POU2AF3: variants seen among roughly 807,000 people sequenced by gnomAD.
POU2AF3 encodes the protein POU class 2 homeobox associating factor 3.
the POU2AF3 span, chr11:111,298,849 T>C: frequency 4.8e-5 from 20 of 419,236 alleles, no homozygotes; most frequent in African/African-American, 4.4e-4. Context: ...CTCCCACGTA[T>C]CCACTGTTGT....
At chr11:111,308,204 C>G in the POU2AF3 span, 1 of 1,551,654 alleles carries the variant, frequency 6.4e-7, no homozygotes, top group Admixed American at 2.0e-5. Context: ...CTGTGGCTAC[C>G]CCCCAGAAGA....
the POU2AF3 span, chr11:111,299,627 T>A: frequency 1.5e-5 from 18 of 1,227,058 alleles, no homozygotes; most frequent in South Asian, 7.7e-4. Context: ...TGCAGGGTCA[T>A]CGGGAGCCCC....
At chr11:111,307,945 G>GT in the POU2AF3 span, 1 of 890,088 alleles carries the variant, frequency 1.1e-6, no homozygotes, top group Non-Finnish European at 1.6e-6. Context: ...GTTGGGTGTT[G>GT]TTTCGTTTGA....
chr11:111,299,079 G>C, the POU2AF3 span: 1 of 985,326 alleles, frequency 1.0e-6, no homozygotes, highest in African/African-American at 1.7e-5. Flanking sequence ...GCGCGGAGAG[G>C]GCGCGGCGCC....
At chr11:111,300,317 T>G in the POU2AF3 span, 1 of 334,112 alleles carries the variant, frequency 3.0e-6, no homozygotes, top group Non-Finnish European at 5.4e-6. Context: ...CGGATTCTTT[T>G]CCTACTGGGG....
the POU2AF3 span, among the ~76,000 whole-genome samples, chr11:111,302,508 G>C: frequency 6.6e-6 from 1 of 152,202 alleles, no homozygotes; most frequent in Non-Finnish European, 1.5e-5. Context: ...GGCCCTTACA[G>C]ATGGGTGTGG....
the POU2AF3 span, chr11:111,306,595 C>G: frequency 6.4e-6 from 10 of 1,551,726 alleles, no homozygotes; most frequent in Non-Finnish European, 8.7e-6. Flanking sequence ...AGCTTCCAGG[C>G]CACCCCTTTC....
the POU2AF3 span, among the ~76,000 whole-genome samples, chr11:111,302,264 A>G: frequency 2.0e-5 from 3 of 152,230 alleles, no homozygotes; most frequent in African/African-American, 7.2e-5. Flanking sequence ...ATCATTCTGC[A>G]GATCTGACGA....
chr11:111,307,704 C>A, the POU2AF3 span, among the ~76,000 whole-genome samples: 1 of 152,192 alleles, frequency 6.6e-6, no homozygotes, highest in African/African-American at 2.4e-5. Flanking sequence ...GAGAAACATC[C>A]AGGGTGCCAC....
chr11:111,303,892 TA>T, the POU2AF3 span, among the ~76,000 whole-genome samples: 648 of 141,458 alleles, frequency 4.6e-3, no homozygotes, highest in Admixed American at 4.3e-3. Context: ...ACCTGAAATT[TA>T]AAAAAAAAAA....
At chr11:111,299,689 C>A in the POU2AF3 span, 21 of 1,231,172 alleles carry the variant, frequency 1.7e-5, no homozygotes, top group Non-Finnish European at 2.1e-5. Context: ...AGCCTCAGTG[C>A]GCCTCGGAGA....
At chr11:111,306,191 A>T in the POU2AF3 span, among the ~76,000 whole-genome samples, 1 of 152,178 alleles carries the variant, frequency 6.6e-6, no homozygotes, top group East Asian at 1.9e-4. Context: ...GCCAGTTTCC[A>T]CATTATTAAC....
At chr11:111,305,557 TAA>T in the POU2AF3 span, among the ~76,000 whole-genome samples, 1 of 152,226 alleles carries the variant, frequency 6.6e-6, no homozygotes, top group African/African-American at 2.4e-5. Context: ...CTCTCCCCAC[TAA>T]ATGTGTCACC....
At chr11:111,308,323 C>T in the POU2AF3 span, 3 of 1,551,740 alleles carry the variant, frequency 1.9e-6, no homozygotes, top group Non-Finnish European at 2.6e-6. Context: ...TGGATGCTCT[C>T]CAGGCAGCAG....
At chr11:111,300,989 A>C in the POU2AF3 span, among the ~76,000 whole-genome samples, 1 of 152,202 alleles carries the variant, frequency 6.6e-6, no homozygotes, top group Non-Finnish European at 1.5e-5. Context: ...AATCTCTCCC[A>C]GAAATTCACC....
At chr11:111,305,188 T>C in the POU2AF3 span, 1 of 392,876 alleles carries the variant, frequency 2.5e-6, no homozygotes, top group Non-Finnish European at 4.5e-6. Flanking sequence ...CTGAATTCTC[T>C]ACTCTCTGCT....
At chr11:111,298,826 G>GCCGGGGGCCCC in the POU2AF3 span, 1 of 790,962 alleles carries the variant, frequency 1.3e-6, no homozygotes, top group Non-Finnish European at 1.7e-6. Flanking sequence ...CGTACCCCAG[G>GCCGGGGGCCCC]CCCCCGCCCG....
the POU2AF3 span, chr11:111,306,527 G>A: frequency 1.3e-6 from 2 of 1,550,348 alleles, no homozygotes; most frequent in Non-Finnish European, 1.7e-6. Context: ...TTCAGACAGA[G>A]ATGCACCCGG....
the POU2AF3 span, among the ~76,000 whole-genome samples, chr11:111,306,117 G>C: frequency 6.6e-6 from 1 of 152,162 alleles, no homozygotes; most frequent in South Asian, 2.1e-4. Context: ...GCCATTATTT[G>C]ACTGTGACAC....
Sources: gnomAD v4.1 joint callset for allele counts (sites outside exome capture counted in the v4.1 genomes callset) on GRCh38, gnomAD v4.1.1 for gene constraint, MANE v1.5 for transcripts, NCBI Gene and HGNC (gene_info 2026-07-23, HGNC 2026-07-21) for gene names.